Variants in USH2A observed in about 807,000 individuals in gnomAD.
The protein encoded by USH2A is Usher syndrome 2A (autosomal recessive, mild).
In USH2A, 443 loss-of-function variants were observed where a neutral mutation model predicts 538.9. The ratio of observed to expected loss-of-function variants is 0.82; its 90% CI spans 0.76 to 0.89. USH2A has a LOEUF of 0.89. USH2A is among the 40% of genes least tolerant of loss of function. The pLI, the probability that USH2A is intolerant of heterozygous loss-of-function variation, is 0.00. For synonymous variants in USH2A, 2,413 were observed against 2,273.5 expected, an observed-to-expected ratio of 1.06 and a Z score of -1.75; for missense variants, 6,633 against 6,324.8, an observed-to-expected ratio of 1.05 and a Z score of -1.65.
chr1:216,185,914 A>G (rs545573710), intron 20 of USH2A, among the ~76,000 whole-genome samples: 185 of 152,056 alleles, frequency 1.2e-3, no homozygotes, highest in Non-Finnish European at 2.2e-3. Context: ...ATAAAAGCAA[A>G]TAAGTTTATT....
chr1:215,672,287 T>G (rs756640371), intron 63 of USH2A, among the ~76,000 whole-genome samples: 2 of 152,166 alleles, frequency 1.3e-5, no homozygotes, highest in Non-Finnish European at 2.9e-5. Flanking sequence ...CCTTTTCCTC[T>G]TCTATTTTCT....
At chr1:215,924,652 GA>G (rs1666190964) in intron 38 of USH2A, among the ~76,000 whole-genome samples, 1 of 143,124 alleles carries the variant, frequency 7.0e-6, no homozygotes, top group African/African-American at 2.6e-5. Context: ...CGTCTTCGAA[GA>G]AAAAAAAAGA....
chr1:216,038,274 C>T (rs2030087663), intron 32 of USH2A, among the ~76,000 whole-genome samples: 1 of 151,982 alleles, frequency 6.6e-6, no homozygotes, highest in Admixed American at 6.6e-5. Context: ...ATGCAAGCTT[C>T]ACCAGAAATT....
intron 41 of USH2A, among the ~76,000 whole-genome samples, chr1:215,880,519 C>T (rs1193160889): frequency 6.6e-6 from 1 of 152,060 alleles, no homozygotes; most frequent in Non-Finnish European, 1.5e-5. Context: ...TCCTTATAAA[C>T]ATAGAGGATT....
rs1657906561 is a variant in USH2A at position 215,673,981 on chromosome 1, G to T, written c.13811+119C>A. 3 of 1,560,838 alleles carry T rather than the reference G, an allele frequency of 1.9e-6. No individual in the cohort carries two copies. The African/African-American group carries it at 4.1e-5, about 21-fold the overall frequency. On this transcript the variant is annotated intron_variant, in intron 63 of 71. Coordinates refer to ENST00000307340, the MANE Select transcript of USH2A (RefSeq NM_206933.4). ...GTCTACTATGCACGTTTAGGTGGAT[G>T]GAGGTTGGGGACACCTTGCATCCCA...
At position 216,250,567 on chromosome 1, in the gene USH2A, T is replaced by C. The variant is rs146843333; in HGVS notation, c.2167+336A>G. On this transcript the variant is annotated intron_variant, in intron 12 of 71. Transcript: ENST00000307340. ...TGATTTGCTTAGAACTCATTAAGTG[T>C]AAAACATTTTGAAAAAGTGCTAATT... Among the ~76,000 whole-genome samples, 555 of 152,298 alleles carry C rather than the reference T, an allele frequency of 3.6e-3. 4 individuals are homozygous for C. The highest frequency in any genetic ancestry group is 0.013 in the African/African-American group (526 of 41,562).
chr1:216,099,408 C>T (rs2032523470), intron 21 of USH2A, among the ~76,000 whole-genome samples: 1 of 152,124 alleles, frequency 6.6e-6, no homozygotes, highest in South Asian at 2.1e-4. Flanking sequence ...TGTTCTCTCT[C>T]ATCTCCCCTA....
chr1:216,018,340 C>G (rs1239432400), intron 32 of USH2A, among the ~76,000 whole-genome samples: 1 of 152,156 alleles, frequency 6.6e-6, no homozygotes, highest in Non-Finnish European at 1.5e-5. Context: ...TAAACACAGA[C>G]CAAGCCATTG....
At chr1:216,184,833 A>G (rs2034566540) in intron 20 of USH2A, among the ~76,000 whole-genome samples, 1 of 151,954 alleles carries the variant, frequency 6.6e-6, no homozygotes, top group Admixed American at 6.6e-5. Flanking sequence ...CCCAGCAGCA[A>G]ACAGCCTATA....
intron 9 of USH2A, among the ~76,000 whole-genome samples, chr1:216,306,821 T>C (rs2037326037): frequency 6.6e-6 from 1 of 152,182 alleles, no homozygotes; most frequent in Non-Finnish European, 1.5e-5. Flanking sequence ...AGCCACCCAG[T>C]GGAGCTAGCA....
chr1:215,944,613 T>A (rs963089501), intron 37 of USH2A, among the ~76,000 whole-genome samples: 3 of 152,158 alleles, frequency 2.0e-5, no homozygotes, highest in African/African-American at 7.2e-5. Flanking sequence ...GACAGTCCCC[T>A]AATTCCACAT....
At chr1:216,273,822 A>G (rs1017525478) in intron 11 of USH2A, among the ~76,000 whole-genome samples, 6 of 151,782 alleles carry the variant, frequency 4.0e-5, no homozygotes, top group Non-Finnish European at 7.4e-5. Context: ...AGAAAAAAAA[A>G]AAAAAACAAA....
intron 21 of USH2A, among the ~76,000 whole-genome samples, chr1:216,140,836 A>G (rs972797293): frequency 6.6e-6 from 1 of 152,240 alleles, no homozygotes; most frequent in African/African-American, 2.4e-5. Flanking sequence ...GAAGAGGCAC[A>G]GGCAGCCCTG....
chr1:216,355,876 A>G (rs1050746655), intron 4 of USH2A, among the ~76,000 whole-genome samples: 14 of 152,166 alleles, frequency 9.2e-5, no homozygotes, highest in African/African-American at 2.4e-4. Context: ...TTTAAGTATC[A>G]CAGTCAATAA....
intron 35 of USH2A, among the ~76,000 whole-genome samples, chr1:215,986,919 C>T (rs1055492495): frequency 2.6e-5 from 4 of 152,174 alleles, no homozygotes; most frequent in African/African-American, 9.7e-5. Context: ...GATTCCTGCC[C>T]TCATGGGGCT....
chr1:215,687,367 A>C (rs1205825390), intron 61 of USH2A, among the ~76,000 whole-genome samples: 1 of 146,460 alleles, frequency 6.8e-6, no homozygotes, highest in Non-Finnish European at 1.5e-5. Flanking sequence ...AAAAGGGAGA[A>C]GGTTTTTTTT....
intron 3 of USH2A, among the ~76,000 whole-genome samples, chr1:216,387,839 C>G (rs1273741012): frequency 6.6e-6 from 1 of 152,158 alleles, no homozygotes; most frequent in Non-Finnish European, 1.5e-5. Flanking sequence ...TGCCCTCCCT[C>G]TCTCTGCCCT....
chr1:215,742,076 A>AT (rs1278360507), intron 59 of USH2A, among the ~76,000 whole-genome samples: 1 of 152,200 alleles, frequency 6.6e-6, no homozygotes. Context: ...TTAATTTAAA[A>AT]TTATTTTCAC....
chr1:216,147,418 T>G (rs566673719), intron 21 of USH2A, among the ~76,000 whole-genome samples: 1 of 152,190 alleles, frequency 6.6e-6, no homozygotes, highest in East Asian at 1.9e-4. Flanking sequence ...TCAAGGTTAA[T>G]GCTCCTTTTT....
Sources: allele counts gnomAD v4.1 joint callset (sites outside exome capture counted in the v4.1 genomes callset), GRCh38; gene constraint gnomAD v4.1.1; transcripts MANE v1.5; gene names NCBI Gene and HGNC (gene_info 2026-07-23, HGNC 2026-07-21).